PDE4D: variants seen among roughly 807,000 people sequenced by gnomAD.
PDE4D encodes the protein phosphodiesterase 4D, also known as 3',5'-cyclic-AMP phosphodiesterase 4D.
A neutral mutation model predicts 87.4 loss-of-function variants in PDE4D; 24 were observed. The observed-to-expected ratio is 0.27, with a 90% confidence interval of 0.20 to 0.39. The LOEUF (loss-of-function observed/expected upper bound fraction) is 0.39. Ranked by LOEUF, PDE4D falls within the 10% of genes least tolerant of loss-of-function variation. The pLI, the probability that PDE4D is intolerant of heterozygous loss-of-function variation, is 1.00. For synonymous variants in PDE4D, 384 were observed against 383.2 expected (o/e 1.00, Z -0.02); for missense variants, 714 against 1,041.0 (o/e 0.69, Z 4.32).
At chr5:59,631,174 C>T (rs1037725314) in intron 1 of PDE4D, among the ~76,000 whole-genome samples, 1 of 152,084 alleles carries the variant, frequency 6.6e-6, no homozygotes, top group African/African-American at 2.4e-5. Context: ...CATAATGACA[C>T]TATCAATTAT....
rs757942499 is a variant in PDE4D, at chr5:59,668,830, AGAG to A, written c.455+224335_455+224337del. Reference sequence around the variant, plus strand: ...AAGAAGAAGAAGAAGAAGAAGAAGAAGAGGAAGAGGAAGAGGAAGAAGAAGAAG... The same window carrying A: ...AAGAAGAAGAAGAAGAAGAAGAAGAAGAAGAGGAAGAGGAAGAAGAAGAAG... On this transcript the variant is annotated intron_variant, in intron 1 of 14. Coordinates refer to ENST00000340635, the MANE Select transcript of PDE4D (RefSeq NM_001104631.2). Among the ~76,000 whole-genome samples, 644 of 76,928 alleles carry A rather than the reference AGAG, an allele frequency of 8.4e-3. 13 individuals are homozygous for A. The highest frequency in any genetic ancestry group is 0.029 in the East Asian group (60 of 2,090). 50.5% of individuals were successfully genotyped at this position (76,928 alleles called of 152,430 possible). A position where few individuals can be genotyped will look rare whatever the true frequency, so the allele number is the denominator to read the frequency against.
At chr5:59,910,970 G>C (rs1324512004) in intron 3 of PDE4D, among the ~76,000 whole-genome samples, 1 of 152,208 alleles carries the variant, frequency 6.6e-6, no homozygotes, top group Non-Finnish European at 1.5e-5. Context: ...AATTATGACA[G>C]AGAAAGAGAT....
chr5:60,064,365 C>T (rs1399396617), intron 2 of PDE4D, among the ~76,000 whole-genome samples: 1 of 151,990 alleles, frequency 6.6e-6, no homozygotes, highest in African/African-American at 2.4e-5. Flanking sequence ...TGCTTAAGGT[C>T]ATATGGCTAG....
intron 1 of PDE4D, among the ~76,000 whole-genome samples, chr5:60,515,303 T>C (rs1307581678): frequency 6.6e-6 from 1 of 152,144 alleles, no homozygotes; most frequent in Admixed American, 6.5e-5. Context: ...CATTATAAAA[T>C]AAAGACTGTT....
chr5:59,453,735 T>C (rs949191191), intron 1 of PDE4D, among the ~76,000 whole-genome samples: 1 of 152,176 alleles, frequency 6.6e-6, no homozygotes, highest in Non-Finnish European at 1.5e-5. Flanking sequence ...TTAAGGAAAA[T>C]GCCATCTCCA....
At chr5:59,874,589 A>T (rs1360910916) in intron 1 of PDE4D, among the ~76,000 whole-genome samples, 1 of 152,198 alleles carries the variant, frequency 6.6e-6, no homozygotes, top group African/African-American at 2.4e-5. Context: ...AAAAAAAAAT[A>T]AAGTATTGGG....
At chr5:59,065,842 T>A (rs1223720838) in intron 5 of PDE4D, among the ~76,000 whole-genome samples, 1 of 152,174 alleles carries the variant, frequency 6.6e-6, no homozygotes, top group Non-Finnish European at 1.5e-5. Flanking sequence ...GGGACTCTCT[T>A]ATAAGAAAGT....
At chr5:59,783,496 TA>T (rs1443989450) in intron 1 of PDE4D, among the ~76,000 whole-genome samples, 1 of 152,164 alleles carries the variant, frequency 6.6e-6, no homozygotes, top group Non-Finnish European at 1.5e-5. Context: ...TAATGGTAGG[TA>T]ATAATTCTTT....
intron 1 of PDE4D, among the ~76,000 whole-genome samples, chr5:59,277,404 G>A (rs373212170): frequency 1.5e-4 from 23 of 152,004 alleles, no homozygotes; most frequent in African/African-American, 5.6e-4. Flanking sequence ...GTATATTGCT[G>A]GCATTTTAAA....
chr5:59,124,899 T>C (rs539838050), intron 5 of PDE4D, among the ~76,000 whole-genome samples: 6 of 152,218 alleles, frequency 3.9e-5, no homozygotes, highest in African/African-American at 1.2e-4. Context: ...ACAGTAATTA[T>C]GGCAAATGTT....
At chr5:59,123,201 CTTGT>C (rs1288916922) in intron 5 of PDE4D, among the ~76,000 whole-genome samples, 19 of 152,096 alleles carry the variant, frequency 1.2e-4, no homozygotes, top group African/African-American at 4.6e-4. Context: ...GGTCTATGTG[CTTGT>C]TTATTTAGCC....
At chr5:60,395,679 C>A (rs555558252) in intron 1 of PDE4D, among the ~76,000 whole-genome samples, 5 of 151,798 alleles carry the variant, frequency 3.3e-5, no homozygotes, top group Non-Finnish European at 7.4e-5. Flanking sequence ...AAGATTACGC[C>A]TTTTATTTCT....
chr5:59,714,464 A>G (rs1446905049), intron 1 of PDE4D, among the ~76,000 whole-genome samples: 2 of 152,204 alleles, frequency 1.3e-5, no homozygotes, highest in African/African-American at 4.8e-5. Context: ...TGAAATTAGC[A>G]ATCCACTGGT....
At chr5:59,462,065 A>G (rs931350867) in intron 1 of PDE4D, among the ~76,000 whole-genome samples, 8 of 152,186 alleles carry the variant, frequency 5.3e-5, no homozygotes, top group Admixed American at 3.9e-4. Flanking sequence ...ATGGAGGCAA[A>G]TAACATAAGA....
chr5:59,616,947 C>G (rs1169622830), intron 1 of PDE4D, among the ~76,000 whole-genome samples: 1 of 20,838 alleles, frequency 4.8e-5, no homozygotes, highest in Non-Finnish European at 1.2e-4. Flanking sequence ...ATATATATAT[C>G]TCCAAGATTT....
chr5:59,889,455 T>A (rs1329271612), intron 1 of PDE4D, among the ~76,000 whole-genome samples: 1 of 151,990 alleles, frequency 6.6e-6, no homozygotes, highest in Non-Finnish European at 1.5e-5. Context: ...TACTCCAACC[T>A]GGGTGACAGA....
chr5:59,328,854 AG>A, intron 1 of PDE4D, among the ~76,000 whole-genome samples: 1 of 152,184 alleles, frequency 6.6e-6, no homozygotes, highest in East Asian at 1.9e-4. Flanking sequence ...TTGAGAAAAA[AG>A]GTGGGCTTTT....
intron 1 of PDE4D, among the ~76,000 whole-genome samples, chr5:59,698,019 T>C (rs1249342552): frequency 6.6e-6 from 1 of 152,176 alleles, no homozygotes; most frequent in African/African-American, 2.4e-5. Flanking sequence ...AGCAGTTTAG[T>C]CTAGTGAAGA....
rs570350396 is a variant in PDE4D at position 59,431,653 on chromosome 5, G to T, written c.456-215685C>A. Among the ~76,000 whole-genome samples, 15 of 152,116 alleles carry T rather than the reference G, an allele frequency of 9.9e-5. No individual in the cohort carries two copies. The South Asian group carries it at 3.1e-3, about 32-fold the overall frequency. ...TTTTTAAATCTTGTATTTTAGGTTT[G>T]GGGGTAGATGTGAAGGTTTGTTACA... On this transcript the variant is annotated intron_variant, in intron 1 of 14. Transcript: ENST00000340635.
Sources: allele counts gnomAD v4.1 joint callset (sites outside exome capture counted in the v4.1 genomes callset), GRCh38; gene constraint gnomAD v4.1.1; transcripts MANE v1.5; gene names NCBI Gene and HGNC (gene_info 2026-07-23, HGNC 2026-07-21).